Variants in KCNQ5 observed in about 807,000 individuals in gnomAD.
KCNQ5 encodes potassium voltage-gated channel subfamily Q member 5.
A neutral mutation model predicts 98.2 loss-of-function variants in KCNQ5; 30 were observed. That is an observed-to-expected ratio of 0.31 (90% confidence interval 0.23 to 0.41). KCNQ5 has a LOEUF of 0.41. Among genes scored for constraint, KCNQ5 ranks in the 10% least tolerant of loss-of-function variants. The pLI is 1.00. For missense variants in KCNQ5, 835 were observed against 1,182.5 expected (o/e 0.71, Z 4.31); for synonymous variants, 458 against 449.4 (o/e 1.02, Z -0.24).
chr6:72,766,286 G>C (rs1487328104), intron 1 of KCNQ5, among the ~76,000 whole-genome samples: 1 of 152,002 alleles, frequency 6.6e-6, no homozygotes, highest in Non-Finnish European at 1.5e-5. Context: ...AATGGCAAGA[G>C]TTTAGATCTG....
At chr6:72,771,305 A>C (rs1772863610) in intron 1 of KCNQ5, among the ~76,000 whole-genome samples, 1 of 152,094 alleles carries the variant, frequency 6.6e-6, no homozygotes, top group African/African-American at 2.4e-5. Context: ...ATAACAATAA[A>C]TATATCTTGA....
chr6:73,088,023 C>CTTTTTTT (rs35354592), intron 5 of KCNQ5, among the ~76,000 whole-genome samples: 3 of 133,358 alleles, frequency 2.2e-5, no homozygotes, highest in Non-Finnish European at 4.6e-5. Flanking sequence ...CTCTCTCTCT[C>CTTTTTTT]TTTTTTTTTT....
chr6:73,046,418 C>T (rs976797222), intron 3 of KCNQ5, among the ~76,000 whole-genome samples: 3 of 152,074 alleles, frequency 2.0e-5, no homozygotes, highest in Non-Finnish European at 4.4e-5. Context: ...CAATTAAAAC[C>T]TGTTGGATTG....
chr6:72,859,373 C>G (rs1453790938), intron 1 of KCNQ5, among the ~76,000 whole-genome samples: 2 of 152,024 alleles, frequency 1.3e-5, no homozygotes, highest in East Asian at 3.9e-4. Flanking sequence ...AATCATCTTC[C>G]AATGTGCAGA....
chr6:72,728,934 AG>A (rs1770417715), intron 1 of KCNQ5, among the ~76,000 whole-genome samples: 1 of 152,208 alleles, frequency 6.6e-6, no homozygotes, highest in Non-Finnish European at 1.5e-5. Flanking sequence ...AGCATCAAAA[AG>A]TATGCAAATG....
At chr6:72,660,909 A>G (rs1766487270) in intron 1 of KCNQ5, among the ~76,000 whole-genome samples, 1 of 152,176 alleles carries the variant, frequency 6.6e-6, no homozygotes, top group East Asian at 1.9e-4. Context: ...CCGGAACCAA[A>G]GTTATTATAA....
intron 7 of KCNQ5, among the ~76,000 whole-genome samples, chr6:73,118,095 A>G (rs1775581225): frequency 6.6e-6 from 1 of 152,224 alleles, no homozygotes; most frequent in African/African-American, 2.4e-5. Context: ...ATGTGCATGC[A>G]GAAAAGAGCA....
At chr6:73,090,732 C>T (rs141419116) in intron 5 of KCNQ5, among the ~76,000 whole-genome samples, 130 of 152,300 alleles carry the variant, frequency 8.5e-4, no homozygotes, top group Middle Eastern at 3.4e-3. Context: ...TGCTCATCAT[C>T]ACTGGTCATC....
intron 1 of KCNQ5, among the ~76,000 whole-genome samples, chr6:72,972,655 C>T (rs1053882467): frequency 1.3e-5 from 2 of 151,984 alleles, no homozygotes; most frequent in African/African-American, 4.8e-5. Flanking sequence ...CATTCATGTC[C>T]CTGCAAAGGA....
At chr6:73,088,427 T>C (rs927908308) in intron 5 of KCNQ5, among the ~76,000 whole-genome samples, 2 of 152,184 alleles carry the variant, frequency 1.3e-5, no homozygotes, top group African/African-American at 4.8e-5. Context: ...TTCCCGATTG[T>C]TCTACTTTTG....
chr6:73,036,113 A>G lies in KCNQ5; in HGVS notation c.490-5823A>G, dbSNP rs570532885. On this transcript the variant is annotated intron_variant, in intron 2 of 13. Transcript: ENST00000370398. ...AGATATTGGACAGTTCCGGCCGGGC[A>G]CGGTGGCTCACTCCTGTAATCCCAG... Among the ~76,000 whole-genome samples the G allele has an allele frequency of 9.2e-5, 14 of 151,788 alleles. No individual in the cohort carries two copies. In the East Asian group the frequency reaches 9.7e-4, roughly 11 times the overall value.
chr6:73,137,918 C>G (rs1196045000), intron 10 of KCNQ5, among the ~76,000 whole-genome samples: 1 of 152,144 alleles, frequency 6.6e-6, no homozygotes, highest in East Asian at 1.9e-4. Context: ...TGCCGCTGCT[C>G]TTCCAACTTC....
rs1778164288 is a variant in KCNQ5, at chr6:72,870,611, T to C, written c.399-133297T>C. 2.0e-5 allele frequency among the ~76,000 whole-genome samples: 3 copies of C among 152,158 alleles called. No homozygotes were observed. The South Asian group carries it at 6.2e-4, about 31-fold the overall frequency. On this transcript the variant is annotated intron_variant, in intron 1 of 13. Coordinates refer to ENST00000370398, the MANE Select transcript of KCNQ5 (RefSeq NM_019842.4). ...GCCCTATAATCTTGGCTAAAAAAAA[T>C]ACAATAAATTCGGCATCTTTATTAA... is the stretch of plus-strand genomic sequence containing the variant.
intron 1 of KCNQ5, among the ~76,000 whole-genome samples, chr6:72,783,297 C>T (rs1485240854): frequency 6.6e-6 from 1 of 152,078 alleles, no homozygotes; most frequent in East Asian, 1.9e-4. Context: ...TCCTAAGCAC[C>T]ATTTTCAGAG....
At chr6:72,954,380 C>CA (rs955629802) in intron 1 of KCNQ5, among the ~76,000 whole-genome samples, 2 of 152,162 alleles carry the variant, frequency 1.3e-5, no homozygotes, top group East Asian at 1.9e-4. Flanking sequence ...AAAGTAAGTG[C>CA]AAAAAATACT....
chr6:72,633,375 G>T (rs1384578867), intron 1 of KCNQ5, among the ~76,000 whole-genome samples: 1 of 152,032 alleles, frequency 6.6e-6, no homozygotes, highest in Non-Finnish European at 1.5e-5. Flanking sequence ...TTTGTAAGTT[G>T]TCTGTTTATA....
chr6:72,766,839 G>T (rs1430274953), intron 1 of KCNQ5, among the ~76,000 whole-genome samples: 1 of 151,940 alleles, frequency 6.6e-6, no homozygotes, highest in African/African-American at 2.4e-5. Flanking sequence ...CTAGTAGAAA[G>T]TTGTATATAT....
intron 1 of KCNQ5, among the ~76,000 whole-genome samples, chr6:72,732,444 C>G (rs768272680): frequency 6.6e-6 from 1 of 152,138 alleles, no homozygotes; most frequent in Non-Finnish European, 1.5e-5. Context: ...GAAGAGCCAA[C>G]GGGCAGAGAA....
chr6:72,751,756 C>T (rs921362088), intron 1 of KCNQ5, among the ~76,000 whole-genome samples: 1 of 151,944 alleles, frequency 6.6e-6, no homozygotes, highest in South Asian at 2.1e-4. Context: ...TAATTTTGAC[C>T]ACCTACTGTG....
Sources: gnomAD v4.1 joint callset for allele counts (sites outside exome capture counted in the v4.1 genomes callset) on GRCh38, gnomAD v4.1.1 for gene constraint, MANE v1.5 for transcripts, NCBI Gene and HGNC (gene_info 2026-07-23, HGNC 2026-07-21) for gene names.